The following CDH4 variants were observed in gnomAD, a reference collection of about 807,000 sequenced individuals.
The protein encoded by CDH4 is cadherin 4, also known as cadherin-4.
Under a neutral mutation model 86.0 loss-of-function variants are expected in CDH4, and 33 were observed. The ratio of observed to expected loss-of-function variants is 0.38; its 90% CI spans 0.29 to 0.51. The LOEUF (loss-of-function observed/expected upper bound fraction) is 0.51, where lower values mean the gene tolerates loss of function less well. CDH4 is among the 20% of genes least tolerant of loss of function. CDH4 has a pLI of 0.86. For missense variants in CDH4, 1,114 were observed against 1,307.4 expected, an observed-to-expected ratio of 0.85 and a Z score of 2.28; for synonymous variants, 555 against 549.4, an observed-to-expected ratio of 1.01 and a Z score of -0.14.
chr20:61,335,153 A>G (rs540221768), intron 2 of CDH4, among the ~76,000 whole-genome samples: 1 of 152,330 alleles, frequency 6.6e-6, no homozygotes, highest in African/African-American at 2.4e-5. Context: ...GACAAATGTC[A>G]ATATATTGAT....
chr20:61,800,862 T>C (rs1979792399), intron 4 of CDH4, among the ~76,000 whole-genome samples: 1 of 152,118 alleles, frequency 6.6e-6, no homozygotes, highest in Admixed American at 6.5e-5. Flanking sequence ...GCACTCCACA[T>C]CCTTAGAGCC....
chr20:61,656,975 C>T (rs2087199150), intron 2 of CDH4, among the ~76,000 whole-genome samples: 1 of 152,222 alleles, frequency 6.6e-6, no homozygotes, highest in South Asian at 2.1e-4. Flanking sequence ...GGACACACCT[C>T]AAAGCAGTTG....
chr20:61,678,193 G>A (rs557706499), intron 2 of CDH4, among the ~76,000 whole-genome samples: 35 of 151,938 alleles, frequency 2.3e-4, no homozygotes, highest in Non-Finnish European at 3.2e-4. Context: ...ATAGATAGAT[G>A]CATGCATGCA....
chr20:61,646,684 G>A (rs1461346049), intron 2 of CDH4, among the ~76,000 whole-genome samples: 1 of 152,236 alleles, frequency 6.6e-6, no homozygotes, highest in Non-Finnish European at 1.5e-5. Flanking sequence ...ATCAGGCCTC[G>A]GCGCCCCGGC....
intron 2 of CDH4, among the ~76,000 whole-genome samples, chr20:61,610,631 T>C (rs1433733510): frequency 6.6e-6 from 1 of 152,150 alleles, no homozygotes; most frequent in East Asian, 1.9e-4. Flanking sequence ...ATATGAGGGC[T>C]CCCCTTTCCC....
chr20:61,382,060 GA>G (rs746265790), intron 2 of CDH4, among the ~76,000 whole-genome samples: 1 of 149,242 alleles, frequency 6.7e-6, no homozygotes, highest in African/African-American at 2.5e-5. Flanking sequence ...TGGAAAACAA[GA>G]AAAAAACTCC....
intron 2 of CDH4, among the ~76,000 whole-genome samples, chr20:61,266,545 A>G (rs1037535515): frequency 6.6e-6 from 1 of 151,860 alleles, no homozygotes; most frequent in African/African-American, 2.4e-5. Context: ...TTTGCTAGGT[A>G]TGAAGTCCCC....
In CDH4 at chr20:61,505,749, G is replaced by C. The variant is rs1203190098; in HGVS notation, c.170-237814G>C. 1.3e-5 allele frequency among the ~76,000 whole-genome samples: 2 copies of C among 151,540 alleles called. 1 individual carries two copies. Among genetic ancestry groups the C allele is most frequent in the Non-Finnish European group, 3.0e-5 (2 of 67,712 alleles). ...GCGGGAAAAAAGAATTGGCACATGA[G>C]AGTCTTCACTCCCAGGACGCTAATG... On this transcript the variant is annotated intron_variant, in intron 2 of 15. Coordinates refer to ENST00000614565, the MANE Select transcript of CDH4 (RefSeq NM_001794.5).
chr20:61,692,837 TTTTG>T (rs920991985), intron 2 of CDH4, among the ~76,000 whole-genome samples: 2 of 145,404 alleles, frequency 1.4e-5, no homozygotes, highest in African/African-American at 5.4e-5. Flanking sequence ...GTTTTTTGTT[TTTTG>T]TTTTTTTTTT....
intron 2 of CDH4, among the ~76,000 whole-genome samples, chr20:61,586,788 G>T (rs1179261355): frequency 6.6e-6 from 1 of 152,146 alleles, no homozygotes; most frequent in Admixed American, 6.5e-5. Context: ...ACCAGGTTAT[G>T]GAGAGACAAG....
In CDH4 at chr20:61,583,508, G is replaced by A. The variant is rs1211679003; in HGVS notation, c.170-160055G>A. ...TCCCATGGAAGGCATCCAGGGGCAGGGGACAGAGGCAGCTGCGAGGTGGAG... is the reference window on the plus strand; with the variant it reads ...TCCCATGGAAGGCATCCAGGGGCAGAGGACAGAGGCAGCTGCGAGGTGGAG... On this transcript the variant is annotated intron_variant, in intron 2 of 15. Transcript: ENST00000614565. Among the ~76,000 whole-genome samples the A allele has an allele frequency of 2.0e-5, 3 of 152,170 alleles. No individual in the cohort carries two copies. The East Asian group carries it at 5.8e-4, about 29-fold the overall frequency.
In CDH4 at chr20:61,663,717, T is replaced by G. The variant is rs1286484182; in HGVS notation, c.170-79846T>G. Among the ~76,000 whole-genome samples, 1 of 151,440 alleles carries G rather than the reference T, an allele frequency of 6.6e-6. No individual in the cohort carries two copies. Among genetic ancestry groups the G allele is most frequent in the African/African-American group, 2.4e-5 (1 of 41,124 alleles). On this transcript the variant is annotated intron_variant, in intron 2 of 15. Coordinates refer to ENST00000614565, the MANE Select transcript of CDH4 (RefSeq NM_001794.5). This position sits in a 1 kb window ranked among gnomAD's most constrained non-coding sequence, Gnocchi z 5.0. ...GAGCTGGCGGTACTGAGGAAGGACGTGCAGAACCAGGCAGGGCTGACAGAC... is the reference window on the plus strand; with the variant it reads ...GAGCTGGCGGTACTGAGGAAGGACGGGCAGAACCAGGCAGGGCTGACAGAC...
At chr20:61,275,473 G>T (rs2084225262) in intron 2 of CDH4, among the ~76,000 whole-genome samples, 1 of 138,398 alleles carries the variant, frequency 7.2e-6, no homozygotes, top group Non-Finnish European at 1.5e-5. Context: ...GCACAGTTTG[G>T]GGGAGTATCA....
At chr20:61,614,582 G>A (rs2086710990) in intron 2 of CDH4, among the ~76,000 whole-genome samples, 1 of 152,122 alleles carries the variant, frequency 6.6e-6, no homozygotes, top group Non-Finnish European at 1.5e-5. Flanking sequence ...TGTGGAGTCT[G>A]CGCTGACGTG....
At chr20:61,861,820 G>A (rs1189845226) in intron 6 of CDH4, among the ~76,000 whole-genome samples, 1 of 152,202 alleles carries the variant, frequency 6.6e-6, no homozygotes, top group Admixed American at 6.5e-5. Context: ...GTCCCAGGTG[G>A]CTGTGTTGTC....
At chr20:61,530,831 C>A (rs1436964479) in intron 2 of CDH4, among the ~76,000 whole-genome samples, 1 of 152,080 alleles carries the variant, frequency 6.6e-6, no homozygotes, top group Admixed American at 6.5e-5. Flanking sequence ...GTATCTCCAG[C>A]CTCTTGCAGC....
chr20:61,603,230 T>A (rs2086616869), intron 2 of CDH4, among the ~76,000 whole-genome samples: 1 of 152,016 alleles, frequency 6.6e-6, no homozygotes, highest in Non-Finnish European at 1.5e-5. Flanking sequence ...CCCACTCTGG[T>A]TGGGAGACAG....
At chr20:61,416,562 G>T (rs2085148261) in intron 2 of CDH4, among the ~76,000 whole-genome samples, 1 of 152,206 alleles carries the variant, frequency 6.6e-6, no homozygotes, top group South Asian at 2.1e-4. Flanking sequence ...ACCTAGTATT[G>T]CTGGAACAGT....
chr20:61,869,742 C>T (rs1219969870), intron 6 of CDH4, among the ~76,000 whole-genome samples: 1 of 152,246 alleles, frequency 6.6e-6, no homozygotes, highest in Non-Finnish European at 1.5e-5. Context: ...CATGAAATCA[C>T]ACAGCAGCAG....
Sources: allele counts gnomAD v4.1 joint callset (sites outside exome capture counted in the v4.1 genomes callset), GRCh38; gene constraint gnomAD v4.1.1; non-coding constraint Gnocchi (gnomAD v3.1); transcripts MANE v1.5; gene names NCBI Gene and HGNC (gene_info 2026-07-23, HGNC 2026-07-21).